CHMP3: variants seen among roughly 807,000 people sequenced by gnomAD.
The protein encoded by CHMP3 is 25.1 protein.
Under a neutral mutation model 27.4 loss-of-function variants are expected in CHMP3, and 8 were observed. That is an observed-to-expected ratio of 0.29 (90% CI 0.17 to 0.53). CHMP3 has a LOEUF of 0.53. Ranked by LOEUF, CHMP3 falls within the 20% of genes least tolerant of loss-of-function variation. CHMP3 has a pLI of 0.96. For missense variants in CHMP3, 208 were observed against 271.5 expected (o/e 0.77, Z 1.64); for synonymous variants, 86 against 85.5 (o/e 1.01, Z -0.03).
At chr2:86,525,783 C>A (rs1345229397) in intron 3 of CHMP3, among the ~76,000 whole-genome samples, 4 of 151,926 alleles carry the variant, frequency 2.6e-5, no homozygotes, top group Admixed American at 2.6e-4. Context: ...AAAAAAAATT[C>A]TCATAGTAGA....
intron 1 of CHMP3, chr2:86,561,752 G>A (rs555272782): frequency 1.2e-4 from 19 of 152,210 alleles, no homozygotes; most frequent in South Asian, 4.1e-4. Context: ...TACCAATATC[G>A]TGTTCTTAGC....
At chr2:86,523,600 T>C (rs2103926012) in intron 3 of CHMP3, among the ~76,000 whole-genome samples, 1 of 152,204 alleles carries the variant, frequency 6.6e-6, no homozygotes, top group Admixed American at 6.5e-5. Flanking sequence ...TAGCTCAGTC[T>C]ATATGCCTGA....
intron 1 of CHMP3, among the ~76,000 whole-genome samples, chr2:86,549,221 A>G (rs539790483): frequency 0.04 from 2,033 of 50,510 alleles, 67 homozygotes; most frequent in African/African-American, 0.16. Context: ...CCTCCCAGAC[A>G]GGGCGGCCGG....
intron 1 of CHMP3, among the ~76,000 whole-genome samples, chr2:86,553,305 CA>C (rs1358290756): frequency 2.0e-5 from 3 of 151,684 alleles, no homozygotes; most frequent in African/African-American, 7.3e-5. Context: ...TTTATTCTTA[CA>C]ATGCTATAAG....
chr2:86,510,088 C>T (rs1047646210), intron 4 of CHMP3, among the ~76,000 whole-genome samples: 2 of 152,288 alleles, frequency 1.3e-5, no homozygotes, highest in South Asian at 2.1e-4. Flanking sequence ...TTTCCTTGAT[C>T]CCTAAATGGT....
intron 3 of CHMP3, among the ~76,000 whole-genome samples, chr2:86,513,915 C>T (rs1675197276): frequency 6.6e-6 from 1 of 152,204 alleles, no homozygotes; most frequent in Admixed American, 6.5e-5. Flanking sequence ...GTTTGAACCC[C>T]AGCTCCGCCA....
Position 86,510,347 on chromosome 2 carries a change from C to A in CHMP3, c.408+11G>T. 6.2e-7 allele frequency: 1 copy of A among 1,613,040 alleles called. No homozygotes were observed. The highest frequency in any genetic ancestry group is 8.5e-7 in the Non-Finnish European group (1 of 1,179,408). The stretch of plus-strand genomic sequence containing the variant: ...GGTTTGGAAAGGAAAGCAGGGCTAG[C>A]CCCAAGTCACCTTCATCATTTCTTT... On this transcript the variant is annotated intron_variant, in intron 4 of 5. Transcript: ENST00000263856.
intron 1 of CHMP3, among the ~76,000 whole-genome samples, chr2:86,546,770 C>T (rs1676624806): frequency 6.6e-6 from 1 of 152,154 alleles, no homozygotes; most frequent in Non-Finnish European, 1.5e-5. Flanking sequence ...GCTTGTTGGT[C>T]ATTTGTATAT....
intron 1 of CHMP3, chr2:86,562,849 G>C (rs940743582): frequency 6.4e-6 from 1 of 157,288 alleles, no homozygotes. Flanking sequence ...ACAACAGGGA[G>C]GACGGAGAAC....
At position 86,531,569 on chromosome 2, in the gene CHMP3, T is replaced by C. The variant is rs150287640; in HGVS notation, c.107-2172A>G. 4.3e-3 allele frequency among the ~76,000 whole-genome samples: 655 copies of C among 152,328 alleles called. 3 individuals carry two copies. The highest frequency in any genetic ancestry group is 6.8e-3 in the Middle Eastern group (2 of 294). On this transcript the variant is annotated intron_variant, in intron 2 of 5. Transcript: ENST00000263856. ...CTTCAAGTTGTGAAGTTTTACTCTG[T>C]GTTTTTTTCTAAGAGTTTTATAGTT...
chr2:86,554,849 A>ATT (rs70956122), intron 1 of CHMP3, among the ~76,000 whole-genome samples: 2 of 127,798 alleles, frequency 1.6e-5, no homozygotes, highest in African/African-American at 6.3e-5. Flanking sequence ...GTGTGTGTAG[A>ATT]TTTTTTTTTT....
At position 86,529,373 on chromosome 2, in the gene CHMP3, A is replaced by AC; in HGVS notation, c.130dup (p.Val44GlyfsTer106). The AC allele has an allele frequency of 6.2e-7, 1 of 1,601,542 alleles. No homozygotes were observed. Among genetic ancestry groups the AC allele is most frequent in the Non-Finnish European group, 8.5e-7 (1 of 1,175,872 alleles). On this transcript the variant is annotated frameshift_variant, in exon 3 of 6. Coordinates refer to ENST00000263856, the MANE Select transcript of CHMP3 (RefSeq NM_016079.4). LOFTEE classifies it high-confidence loss of function. Reference sequence around the variant, plus strand: ...GGCAGCATCTTTCACAGATCGTTTCACTTTTTCTTCTTCTCTTTGGATATC... The same window carrying AC: ...GGCAGCATCTTTCACAGATCGTTTCACCTTTTTCTTCTTCTCTTTGGATATC...
chr2:86,507,711 A>T, intron 4 of CHMP3, 118 bp from the exon 5 acceptor site: 2 of 802,152 alleles, frequency 2.5e-6, no homozygotes, highest in Non-Finnish European at 4.2e-6. Context: ...AAGAGCTGAC[A>T]CACGAGACAG....
intron 2 of CHMP3, among the ~76,000 whole-genome samples, chr2:86,529,721 A>G (rs1324818679): frequency 1.3e-5 from 2 of 152,226 alleles, no homozygotes; most frequent in African/African-American, 4.8e-5. Flanking sequence ...CACAATTATA[A>G]GAGTACAGTT....
At chr2:86,523,347 T>C (rs1304965085) in intron 3 of CHMP3, among the ~76,000 whole-genome samples, 4 of 152,228 alleles carry the variant, frequency 2.6e-5, no homozygotes, top group African/African-American at 9.6e-5. Context: ...GACTCTACAT[T>C]TCTCTTTCAC....
At chr2:86,542,165 A>T in intron 2 of CHMP3, 87 bp downstream of exon 2, 2 of 1,356,940 alleles carry the variant, frequency 1.5e-6, no homozygotes, top group Non-Finnish European at 2.1e-6. Context: ...ACTATGTCTT[A>T]TGATATATAA....
intron 2 of CHMP3, among the ~76,000 whole-genome samples, chr2:86,535,361 T>A (rs1265878748): frequency 6.6e-6 from 1 of 152,162 alleles, no homozygotes; most frequent in Non-Finnish European, 1.5e-5. Context: ...ATTTCCTGCA[T>A]TAATGTTTTC....
intron 3 of CHMP3, among the ~76,000 whole-genome samples, chr2:86,520,384 G>C (rs866210359): frequency 1.3e-5 from 2 of 152,180 alleles, no homozygotes; most frequent in South Asian, 2.1e-4. Context: ...GACAGAGAGA[G>C]AGAGAGAGAT....
chr2:86,554,783 G>T (rs1390869413), intron 1 of CHMP3, among the ~76,000 whole-genome samples: 1 of 150,556 alleles, frequency 6.6e-6, no homozygotes, highest in Non-Finnish European at 1.5e-5. Context: ...AAACAATCTA[G>T]AAGTCCATCA....
Sources: gnomAD v4.1 joint callset for allele counts (sites outside exome capture counted in the v4.1 genomes callset) on GRCh38, gnomAD v4.1.1 for gene constraint, MANE v1.5 for transcripts, NCBI Gene and HGNC (gene_info 2026-07-23, HGNC 2026-07-21) for gene names.